KPNA4: variants seen among roughly 807,000 people sequenced by gnomAD.
KPNA4 encodes karyopherin subunit alpha 4, also known as importin subunit alpha-3.
Under a neutral mutation model 71.3 loss-of-function variants are expected in KPNA4, and 13 were observed. The observed-to-expected ratio is 0.18, with a 90% CI of 0.12 to 0.29. The LOEUF (loss-of-function observed/expected upper bound fraction) is 0.29. Among genes scored for constraint, KPNA4 ranks in the 10% least tolerant of loss-of-function variants. The pLI, the probability that KPNA4 is intolerant of heterozygous loss-of-function variation, is 1.00. For synonymous variants in KPNA4, 189 were observed against 195.2 expected, an observed-to-expected ratio of 0.97 and a Z score of 0.26; for missense variants, 334 against 603.2, an observed-to-expected ratio of 0.55 and a Z score of 4.67.
intron 1 of KPNA4, among the ~76,000 whole-genome samples, chr3:160,547,359 T>G (rs1031630790): frequency 6.6e-6 from 1 of 152,192 alleles, no homozygotes; most frequent in African/African-American, 2.4e-5. Context: ...TTCTACTGCA[T>G]ATCACCAATT....
chr3:160,532,929 C>T (rs1721601470), intron 5 of KPNA4, among the ~76,000 whole-genome samples: 1 of 152,210 alleles, frequency 6.6e-6, no homozygotes, highest in South Asian at 2.1e-4. Flanking sequence ...TGTATTCAAA[C>T]TCTATTCAAA....
At chr3:160,564,680 G>C (rs527647987) in intron 1 of KPNA4, 1 of 152,116 alleles carries the variant, frequency 6.6e-6, no homozygotes, top group Non-Finnish European at 1.5e-5. Flanking sequence ...GGTAAAGCGG[G>C]AGTCGGGAAG....
At chr3:160,502,877 G>C (rs1160921392) in intron 16 of KPNA4, among the ~76,000 whole-genome samples, 1 of 152,080 alleles carries the variant, frequency 6.6e-6, no homozygotes, top group Non-Finnish European at 1.5e-5. Context: ...TTGGGAGGCT[G>C]AGACGGGTGG....
Position 160,530,134 on chromosome 3 carries a change from CAAAA to C in KPNA4, c.469+717_469+720del, listed in dbSNP as rs746257397. Among the ~76,000 whole-genome samples, 7 of 38,532 alleles carry C rather than the reference CAAAA, an allele frequency of 1.8e-4. No individual in the cohort carries two copies. In the East Asian group the frequency reaches 4.1e-3, roughly 23 times the overall value. The allele number at this position is 38,532 out of a possible 152,430, so 25.3% of individuals were successfully genotyped here. On this transcript the variant is annotated intron_variant, in intron 7 of 16. Transcript: ENST00000334256. ...TGGGCGACAGAGTGAGACTCCATCT[CAAAA>C]AAAAAAAAAAAAAAAAAAAAAGAGA...
At position 160,505,011 on chromosome 3, in the gene KPNA4, C is replaced by T; in HGVS notation, c.1414G>A (p.Asp472Asn). The change falls in exon 16 of 17, where the codon GAC (aspartate) becomes AAC (asparagine). Residue 472 changes from aspartate to asparagine, a missense_variant. By Grantham distance (23) the Asp-to-Asn change is conservative. Transcript: ENST00000334256. ...ATCTCATAGGCCAATTTGTAGATGT[C>T]TTCATTTTCATGATTTTGAAGTTGT... Reference protein sequence around the residue: ...IEQLQNHENEDIYKLAYEIID... With the variant: ...IEQLQNHENENIYKLAYEIID... 1.3e-6 allele frequency: 2 copies of T among 1,569,484 alleles called. No individual in the cohort carries two copies. The highest frequency in any genetic ancestry group is 1.7e-6 in the Non-Finnish European group (2 of 1,158,134).
chr3:160,539,452 A>G (rs1721753785), intron 1 of KPNA4, among the ~76,000 whole-genome samples: 1 of 152,196 alleles, frequency 6.6e-6, no homozygotes, highest in Non-Finnish European at 1.5e-5. Context: ...GAGAAGTTAG[A>G]TTGTTTGTCC....
chr3:160,530,725 C>A, intron 7 of KPNA4, 130 bp downstream of exon 7: 1 of 609,724 alleles, frequency 1.6e-6, no homozygotes. Context: ...CTTAAGTTGA[C>A]CTATTTCAAT....
At chr3:160,561,571 A>G (rs1560058211) in intron 1 of KPNA4, among the ~76,000 whole-genome samples, 1 of 152,006 alleles carries the variant, frequency 6.6e-6, no homozygotes, top group African/African-American at 2.4e-5. Context: ...CACATTTTAG[A>G]GGAGTCAGAA....
intron 12 of KPNA4, 185 bp downstream of exon 12, chr3:160,515,267 G>A: frequency 1.5e-6 from 1 of 663,714 alleles, no homozygotes; most frequent in South Asian, 1.6e-5. Context: ...TTCATAACTG[G>A]TTTTATGTAT....
intron 7 of KPNA4, among the ~76,000 whole-genome samples, chr3:160,530,158 A>G (rs988107805): frequency 1.3e-5 from 2 of 149,898 alleles, no homozygotes; most frequent in African/African-American, 5.0e-5. Context: ...AAAAAAAAAA[A>G]AGAGAAAAAT....
At chr3:160,528,192 C>T (rs4679890) in intron 7 of KPNA4, among the ~76,000 whole-genome samples, 153 bp from the exon 8 acceptor site, 70,643 of 151,984 alleles carry the variant, frequency 0.46, 17,512 homozygotes, top group Non-Finnish European at 0.55. Context: ...GGAATAGCAT[C>T]ATTGGAAGAA....
At position 160,508,623 on chromosome 3, in the gene KPNA4, TTTAATTAA is replaced by T. The variant is rs924455043; in HGVS notation, c.1210-362_1210-355del. ...AATGGAGGCTGTATGCTATTTTTAA[TTTAATTAA>T]TTAATTAATTAAATATAGAGAGATG... On this transcript the variant is annotated intron_variant, in intron 14 of 16. Coordinates refer to ENST00000334256, the MANE Select transcript of KPNA4 (RefSeq NM_002268.5). Among the ~76,000 whole-genome samples, 8 of 152,204 alleles carry T rather than the reference TTTAATTAA, an allele frequency of 5.3e-5. No homozygotes were observed. The East Asian group carries it at 1.5e-3, about 29-fold the overall frequency.
At position 160,561,555 on chromosome 3, in the gene KPNA4, C is replaced by T. The variant is rs147251571; in HGVS notation, c.69+3659G>A. Among the ~76,000 whole-genome samples the T allele has an allele frequency of 3.8e-3, 583 of 152,030 alleles. 7 individuals carry two copies. The highest frequency in any genetic ancestry group is 0.013 in the African/African-American group (539 of 41,522). On this transcript the variant is annotated intron_variant, in intron 1 of 16. Coordinates refer to ENST00000334256, the MANE Select transcript of KPNA4 (RefSeq NM_002268.5). ...TGCGTTTGTGTTTCAAGAAACTTAA[C>T]ATGACCACATTTTAGAGGAGTCAGA... is the stretch of plus-strand genomic sequence containing the variant.
In KPNA4 at chr3:160,502,091, C is replaced by T. The variant is rs1263167653; in HGVS notation, c.*13G>A. On this transcript the variant is annotated 3_prime_UTR_variant, in exon 17 of 17. Coordinates refer to ENST00000334256, the MANE Select transcript of KPNA4 (RefSeq NM_002268.5). The stretch of plus-strand genomic sequence containing the variant: ...CTCAGTGCTGCATTGTACCTAACTT[C>T]CACAACATCTTTCTAAAACTGGAAC... 3 of 1,453,620 alleles carry T rather than the reference C, an allele frequency of 2.1e-6. No individual in the cohort carries two copies. Among genetic ancestry groups the T allele is most frequent in the East Asian group, 2.3e-5 (1 of 43,490 alleles). 90.0% of individuals were successfully genotyped at this position (1,453,620 alleles called of 1,614,324 possible).
chr3:160,542,116 G>A (rs1464828607), intron 1 of KPNA4, among the ~76,000 whole-genome samples: 1 of 152,200 alleles, frequency 6.6e-6, no homozygotes, highest in African/African-American at 2.4e-5. Context: ...GATGGCATGT[G>A]TGGAATCTGC....
chr3:160,534,362 G>T (rs1158136375), intron 5 of KPNA4, among the ~76,000 whole-genome samples: 2 of 152,022 alleles, frequency 1.3e-5, no homozygotes, highest in Non-Finnish European at 2.9e-5. Context: ...TAATACAAAG[G>T]TCTCAGTAAT....
rs1394418582 is a variant in KPNA4 at position 160,527,216 on chromosome 3, T to C, written c.556+737A>G. Among the ~76,000 whole-genome samples, 4 of 152,224 alleles carry C rather than the reference T, an allele frequency of 2.6e-5. No individual in the cohort carries two copies. The South Asian group carries it at 6.2e-4, about 24-fold the overall frequency. ...TCATAACTGTTAGGTCTCTGAGCTA[T>C]ACTGGGGCACAATACAATTCAGATT... On this transcript the variant is annotated intron_variant, in intron 8 of 16. Transcript: ENST00000334256.
At chr3:160,542,862 C>T (rs1430828329) in intron 1 of KPNA4, among the ~76,000 whole-genome samples, 1 of 152,116 alleles carries the variant, frequency 6.6e-6, no homozygotes, top group Admixed American at 6.5e-5. Flanking sequence ...AGATTCCATA[C>T]TTTAAAATGA....
rs1720830814 is a variant in KPNA4 at position 160,499,251 on chromosome 3, T to C, written c.*2853A>G. On this transcript the variant is annotated 3_prime_UTR_variant, in exon 17 of 17. Transcript: ENST00000334256. Reference sequence around the variant, plus strand: ...ACACAATTACTGAAGTCTTTGAAAATTACAAAGGAAATATATTTAAAGATA... The same window carrying C: ...ACACAATTACTGAAGTCTTTGAAAACTACAAAGGAAATATATTTAAAGATA... 6.6e-6 allele frequency: 1 copy of C among 152,062 alleles called. No individual in the cohort carries two copies. The highest frequency in any genetic ancestry group is 1.5e-5 in the Non-Finnish European group (1 of 67,990). The allele number at this position is 152,062 out of a possible 1,614,324, so 9.4% of individuals were successfully genotyped here.
Sources: allele counts gnomAD v4.1 joint callset (sites outside exome capture counted in the v4.1 genomes callset), GRCh38; gene constraint gnomAD v4.1.1; transcripts MANE v1.5; gene names NCBI Gene and HGNC (gene_info 2026-07-23, HGNC 2026-07-21).